The following PRELID2 variants were observed in gnomAD, a reference collection of about 807,000 sequenced individuals.
PRELID2 encodes the protein PRELI domain-containing protein 2.
A neutral mutation model predicts 28.4 loss-of-function variants in PRELID2; 25 were observed. The ratio of observed to expected loss-of-function variants is 0.88; its 90% CI spans 0.64 to 1.23. PRELID2 has a LOEUF of 1.23. Ranked by LOEUF, PRELID2 falls within the 50% of genes most tolerant of loss-of-function variation. The pLI, the probability that PRELID2 is intolerant of heterozygous loss-of-function variation, is 0.00. For synonymous variants in PRELID2, 76 were observed against 71.6 expected (o/e 1.06, Z -0.31); for missense variants, 201 against 214.4 (o/e 0.94, Z 0.39).
chr5:145,667,856 C>T (rs567617756), intron 1 of PRELID2, among the ~76,000 whole-genome samples: 3 of 152,080 alleles, frequency 2.0e-5, no homozygotes, highest in Admixed American at 6.6e-5. Flanking sequence ...ACTTGCTTAG[C>T]GTCTAACCTC....
the PRELID2 span, among the ~76,000 whole-genome samples, chr5:145,461,667 G>T: frequency 6.6e-6 from 1 of 152,270 alleles, no homozygotes; most frequent in African/African-American, 2.4e-5. Flanking sequence ...CCACTGGATG[G>T]TCTTGGAGTG....
chr5:145,651,532 C>T (rs1043734232), intron 1 of PRELID2, among the ~76,000 whole-genome samples: 24 of 152,142 alleles, frequency 1.6e-4, no homozygotes, highest in South Asian at 2.1e-4. Flanking sequence ...ACAGCTCTCA[C>T]GGCCAGGTAC....
At chr5:145,246,541 TTTCCTTCC>T in the PRELID2 span, among the ~76,000 whole-genome samples, 4 of 151,684 alleles carry the variant, frequency 2.6e-5, no homozygotes, top group African/African-American at 9.7e-5. Flanking sequence ...AATTATATTC[TTTCCTTCC>T]TTCCTTCCTT....
At chr5:145,829,044 G>T (rs1755409317) in intron 1 of PRELID2, among the ~76,000 whole-genome samples, 1 of 151,450 alleles carries the variant, frequency 6.6e-6, no homozygotes. Flanking sequence ...TGTGGTTTGG[G>T]GTTTTGTTGT....
At chr5:145,476,885 T>A (rs571786311) in intron 1 of PRELID2, among the ~76,000 whole-genome samples, 1 of 152,252 alleles carries the variant, frequency 6.6e-6, no homozygotes, top group South Asian at 2.1e-4. Context: ...CAGAACACAG[T>A]GCCTGATAAA....
intron 1 of PRELID2, among the ~76,000 whole-genome samples, chr5:145,619,025 C>T (rs577676101): frequency 1.3e-5 from 2 of 152,276 alleles, no homozygotes; most frequent in African/African-American, 4.8e-5. Flanking sequence ...CAGTCTCACT[C>T]CCACCATACC....
chr5:145,649,931 G>A (rs1021759833), intron 1 of PRELID2, among the ~76,000 whole-genome samples: 7 of 151,838 alleles, frequency 4.6e-5, no homozygotes, highest in Non-Finnish European at 7.4e-5. Flanking sequence ...TTGTTGTTTG[G>A]GTCAAATCTT....
the PRELID2 span, among the ~76,000 whole-genome samples, chr5:145,310,543 CGAT>C: frequency 2.6e-5 from 4 of 152,104 alleles, no homozygotes; most frequent in African/African-American, 9.7e-5. Flanking sequence ...AATTACAAAA[CGAT>C]GATACTCTTT....
the PRELID2 span, among the ~76,000 whole-genome samples, chr5:145,366,109 G>A: frequency 6.6e-6 from 1 of 151,834 alleles, no homozygotes; most frequent in Non-Finnish European, 1.5e-5. Flanking sequence ...GGTATGTTGG[G>A]GACAGAATAG....
At chr5:145,568,628 A>G (rs972689656) in intron 1 of PRELID2, among the ~76,000 whole-genome samples, 1 of 152,264 alleles carries the variant, frequency 6.6e-6, no homozygotes, top group African/African-American at 2.4e-5. Flanking sequence ...TCTCCCAGTC[A>G]GCCATCTTCT....
chr5:145,753,318 C>A (rs1454665454), downstream of PRELID2, among the ~76,000 whole-genome samples: 2 of 152,220 alleles, frequency 1.3e-5, no homozygotes, highest in African/African-American at 2.4e-5. Flanking sequence ...CCCTTCAAGA[C>A]AATCAAGTGT....
chr5:145,762,804 C>T (rs886194437), intron 6 of PRELID2, among the ~76,000 whole-genome samples: 37 of 152,160 alleles, frequency 2.4e-4, no homozygotes, highest in Non-Finnish European at 7.3e-5. Flanking sequence ...ATCATTCTTC[C>T]TATTAATCAA....
At chr5:145,572,370 T>A (rs1195991677) in intron 1 of PRELID2, among the ~76,000 whole-genome samples, 2 of 152,218 alleles carry the variant, frequency 1.3e-5, no homozygotes, top group African/African-American at 4.8e-5. Flanking sequence ...CATTCATAAC[T>A]TCCTCAGAAT....
the PRELID2 span, among the ~76,000 whole-genome samples, chr5:145,248,338 G>A: frequency 2.0e-5 from 3 of 151,776 alleles, no homozygotes; most frequent in South Asian, 6.3e-4. Context: ...ACCATAGGTT[G>A]GTTTTATTTT....
intron 5 of PRELID2, among the ~76,000 whole-genome samples, chr5:145,786,629 A>G (rs1412143411): frequency 6.6e-6 from 1 of 152,198 alleles, no homozygotes; most frequent in Non-Finnish European, 1.5e-5. Flanking sequence ...CTAGACTCCT[A>G]ATCTACAGAA....
the PRELID2 span, among the ~76,000 whole-genome samples, chr5:145,398,933 T>A: frequency 6.6e-6 from 1 of 152,054 alleles, no homozygotes; most frequent in East Asian, 1.9e-4. Flanking sequence ...GAAAAAGGTT[T>A]CAGGGAAAAG....
At chr5:145,297,956 C>A in the PRELID2 span, among the ~76,000 whole-genome samples, 6 of 151,964 alleles carry the variant, frequency 3.9e-5, no homozygotes, top group East Asian at 5.8e-4. Context: ...ACCACTGCTC[C>A]AGGAAATAAA....
the PRELID2 span, among the ~76,000 whole-genome samples, chr5:145,456,321 T>C: frequency 2.0e-5 from 3 of 152,212 alleles, no homozygotes; most frequent in Non-Finnish European, 2.9e-5. Context: ...AGATGACCAC[T>C]GGTCTGCAGA....
At chr5:145,696,094 T>G (rs1256406567) in intron 1 of PRELID2, among the ~76,000 whole-genome samples, 2 of 151,298 alleles carry the variant, frequency 1.3e-5, no homozygotes, top group East Asian at 3.9e-4. Flanking sequence ...TATCTAAAAC[T>G]TGAAAATCAT....
Sources: allele counts gnomAD v4.1 joint callset (sites outside exome capture counted in the v4.1 genomes callset), GRCh38; gene constraint gnomAD v4.1.1; transcripts MANE v1.5; gene names NCBI Gene and HGNC (gene_info 2026-07-23, HGNC 2026-07-21).